The following BSN variants were observed in gnomAD, a reference collection of about 807,000 sequenced individuals.
BSN encodes bassoon presynaptic cytomatrix protein.
BSN carries 57 observed loss-of-function variants against 264.8 expected under a neutral mutation model. The ratio of observed to expected loss-of-function variants is 0.22; its 90% CI spans 0.17 to 0.27. The LOEUF is 0.27. BSN is among the 10% of genes least tolerant of loss of function. BSN has a pLI of 1.00. For missense variants in BSN, 4,615 were observed against 5,232.5 expected, an observed-to-expected ratio of 0.88 and a Z score of 3.64; for synonymous variants, 2,059 against 2,137.3, an observed-to-expected ratio of 0.96 and a Z score of 1.01.
At chr3:49,607,869 A>T (rs746825416) in intron 1 of BSN, among the ~76,000 whole-genome samples, 10 of 152,364 alleles carry the variant, frequency 6.6e-5, no homozygotes, top group Middle Eastern at 3.4e-3. Context: ...GGGTGGGTCC[A>T]GCCACCTGAA....
chr3:49,586,358 A>ATCTG (rs986388297), intron 1 of BSN, among the ~76,000 whole-genome samples: 2 of 151,250 alleles, frequency 1.3e-5, no homozygotes, highest in African/African-American at 4.9e-5. Flanking sequence ...CTATCTATCT[A>ATCTG]TCTATCATTA....
chr3:49,662,902 G>C lies in BSN; in HGVS notation c.10744G>C (p.Asp3582His). The stretch of plus-strand genomic sequence containing the variant: ...GTATCACCTGGGCCAGGAGGAGACG[G>C]ACTGGTTTGATAAGCCCCGGGATGC... Reference protein sequence around the residue: ...EAYHLGQEETDWFDKPRDARS... With the variant: ...EAYHLGQEETHWFDKPRDARS... Residue 3582 changes from aspartate to histidine, a missense_variant, in exon 7 of 12, where the codon GAC becomes CAC. This residue lies in a region of BSN where 3,415 missense variants were observed against 3,866.4 expected (regional missense o/e 0.88). Coordinates refer to ENST00000296452, the MANE Select transcript of BSN (RefSeq NM_003458.4). 1 of 1,595,846 alleles carries C rather than the reference G, an allele frequency of 6.3e-7. No individual in the cohort carries two copies. Among genetic ancestry groups the C allele is most frequent in the Non-Finnish European group, 8.5e-7 (1 of 1,170,214 alleles).
intron 1 of BSN, among the ~76,000 whole-genome samples, chr3:49,590,325 A>C (rs899022629): frequency 6.6e-6 from 1 of 152,000 alleles, no homozygotes; most frequent in African/African-American, 2.4e-5. Context: ...GATTCTTTAA[A>C]AAAAACAAAT....
Position 49,651,394 on chromosome 3 carries a change from G to T in BSN, c.1987-149G>T. ...CCATGGAACCTTCAGGTTATTCAAG[G>T]CCAGAAGGAGATAGGGTGGGTGGCG... is the stretch of plus-strand genomic sequence containing the variant. On this transcript the variant is annotated intron_variant, in intron 4 of 11. Coordinates refer to ENST00000296452, the MANE Select transcript of BSN (RefSeq NM_003458.4). This position sits in a 1 kb window ranked among gnomAD's most constrained non-coding sequence, Gnocchi z 5.4. 3 of 873,710 alleles carry T rather than the reference G, an allele frequency of 3.4e-6. No individual in the cohort carries two copies. Among genetic ancestry groups the T allele is most frequent in the Non-Finnish European group, 5.1e-6 (3 of 582,752 alleles). The allele number at this position is 873,710 out of a possible 1,614,324, so 54.1% of individuals were successfully genotyped here.
In BSN at chr3:49,656,825, G is replaced by A; in HGVS notation, c.7269G>A (p.Lys2423=). 6.3e-7 allele frequency: 1 copy of A among 1,599,050 alleles called. No individual in the cohort carries two copies. Among genetic ancestry groups the A allele is most frequent in the Non-Finnish European group, 8.5e-7 (1 of 1,173,554 alleles). The change falls in exon 5 of 12, where the codon AAG becomes AAA. Residue 2423 remains lysine (K), a synonymous_variant. Transcript: ENST00000296452. ...QRELQELQTI[K]HHVLQQQQEE... The stretch of plus-strand genomic sequence containing the variant: ...AGTTGCAGGAGCTGCAGACCATCAA[G>A]CACCATGTGCTGCAGCAGCAGCAAG...
At position 49,583,843 on chromosome 3, in the gene BSN, C is replaced by T. The variant is rs560814055; in HGVS notation, c.224+29017C>T. ...AATTACCTAAGGATGTGTGGTTGTT[C>T]ATAGTATTCTCTTGCAATCCGATTT... On this transcript the variant is annotated intron_variant, in intron 1 of 11. Transcript: ENST00000296452. Among the ~76,000 whole-genome samples, 6 of 152,138 alleles carry T rather than the reference C, an allele frequency of 3.9e-5. No homozygotes were observed. The South Asian group carries it at 1.2e-3, about 32-fold the overall frequency.
Position 49,625,425 on chromosome 3 carries a change from A to C in BSN, c.633+42A>C. The C allele has an allele frequency of 7.1e-7, 1 of 1,416,992 alleles. No individual in the cohort carries two copies. Among genetic ancestry groups the C allele is most frequent in the African/African-American group, 1.5e-5 (1 of 68,170 alleles). The allele number at this position is 1,416,992 out of a possible 1,614,324, so 87.8% of individuals were successfully genotyped here. A position where few individuals can be genotyped will look rare whatever the true frequency, so the allele number is the denominator to read the frequency against. ...CGGCTCCCCACTCACCTGCTACCTCATTACCATACCTCCCCTGGTTCCCTT... is the reference window on the plus strand; with the variant it reads ...CGGCTCCCCACTCACCTGCTACCTCCTTACCATACCTCCCCTGGTTCCCTT... On this transcript the variant is annotated intron_variant, in intron 2 of 11. Transcript: ENST00000296452. The surrounding 1 kb of genome is among the most constrained non-coding windows in gnomAD (Gnocchi z 4.4).
rs201524663 is a variant in BSN at position 49,625,168 on chromosome 3, C to T, written c.418C>T (p.Arg140Trp). ...QVDSRTQRSG[R>W]SPSVSPDRGS... ...AGACAGCAGGACACAGAGATCAGGG[C>T]GGTCCCCCTCAGTGTCACCGGACAG... The change falls in exon 2 of 12, where the codon CGG (arginine) becomes TGG (tryptophan). Residue 140 changes from arginine to tryptophan, a missense_variant. Physicochemically the swap from Arg to Trp is moderately radical, Grantham distance 101 (BLOSUM62 -3). Around this residue, in one of 3 missense-constraint regions of BSN, gnomAD observed 1,197 missense variants for 1,348.0 expected, o/e 0.89. Transcript: ENST00000296452. The surrounding 1 kb of genome is among the most constrained non-coding windows in gnomAD (Gnocchi z 4.4). 20 of 1,572,938 alleles carry T rather than the reference C, an allele frequency of 1.3e-5. No individual in the cohort carries two copies. The highest frequency in any genetic ancestry group is 4.6e-5 in the East Asian group (2 of 43,180).
In BSN at chr3:49,663,598, G is replaced by A. The variant is rs1311779387; in HGVS notation, c.11440G>A (p.Ala3814Thr). ...AACCACCCGGGGCTCAGCCCCTGCT[G>A]CCAGCCAGCCTGCAGGGAAGCCTCA... ...QPTTRGSAPA[A>T]SQPAGKPQPG... is the part of the protein sequence containing the mutation. Residue 3814 changes from alanine (A) to threonine (T), a missense_variant, in exon 7 of 12, where the codon GCC (alanine) becomes ACC (threonine). By Grantham distance (58) the Ala-to-Thr change is moderately conservative. Transcript: ENST00000296452. 1.2e-6 allele frequency: 2 copies of A among 1,607,156 alleles called. No homozygotes were observed. Among genetic ancestry groups the A allele is most frequent in the South Asian group, 1.1e-5 (1 of 90,504 alleles).
chr3:49,565,762 C>A (rs1371161800), intron 1 of BSN, among the ~76,000 whole-genome samples: 1 of 152,192 alleles, frequency 6.6e-6, no homozygotes, highest in East Asian at 1.9e-4. Context: ...CTTACTATAA[C>A]CCAATACCCA....
intron 1 of BSN, among the ~76,000 whole-genome samples, chr3:49,580,962 C>T (rs1473143810): frequency 6.6e-6 from 1 of 150,556 alleles, no homozygotes. Context: ...TGACCCCTTT[C>T]TTCAGCGCCT....
At position 49,585,998 on chromosome 3, in the gene BSN, T is replaced by C. The variant is rs1036923015; in HGVS notation, c.224+31172T>C. On this transcript the variant is annotated intron_variant, in intron 1 of 11. Coordinates refer to ENST00000296452, the MANE Select transcript of BSN (RefSeq NM_003458.4). This position sits in a 1 kb window ranked among gnomAD's most constrained non-coding sequence, Gnocchi z 4.7. The stretch of plus-strand genomic sequence containing the variant: ...TTGAGCTCCTTATATATTTTGGTTA[T>C]TAATCACTTGTCAGATGGTTAGTTT... Among the ~76,000 whole-genome samples the C allele has an allele frequency of 3.3e-5, 5 of 152,224 alleles. No homozygotes were observed. Among genetic ancestry groups the C allele is most frequent in the Non-Finnish European group, 5.9e-5 (4 of 68,040 alleles).
In BSN at chr3:49,593,787, TG is replaced by T. The variant is rs201748946; in HGVS notation, c.225-31187del. ...ATATTCTAGATACTAGTTTTTTTTT[TG>T]TTTTGTTTTGTTTTTTGTTTTTTTT... is the stretch of plus-strand genomic sequence containing the variant. On this transcript the variant is annotated intron_variant, in intron 1 of 11. Coordinates refer to ENST00000296452, the MANE Select transcript of BSN (RefSeq NM_003458.4). Among the ~76,000 whole-genome samples, 435 of 148,344 alleles carry T rather than the reference TG, an allele frequency of 2.9e-3. 3 individuals carry two copies. The highest frequency in any genetic ancestry group is 3.8e-3 in the Non-Finnish European group (256 of 67,100).
At chr3:49,606,651 C>T (rs2108041629) in intron 1 of BSN, among the ~76,000 whole-genome samples, 1 of 151,980 alleles carries the variant, frequency 6.6e-6, no homozygotes, top group East Asian at 1.9e-4. Context: ...GGTGCTCTGG[C>T]CACCATTGGA....
chr3:49,650,717 G>T lies in BSN; in HGVS notation c.1624G>T (p.Gly542Trp). The T allele has an allele frequency of 6.2e-7, 1 of 1,613,248 alleles. No homozygotes were observed. The highest frequency in any genetic ancestry group is 8.5e-7 in the Non-Finnish European group (1 of 1,179,868). Residue 542 changes from glycine to tryptophan, a missense_variant, in exon 4 of 12, where the codon GGG becomes TGG. By Grantham distance (184) the Gly-to-Trp change is radical. Coordinates refer to ENST00000296452, the MANE Select transcript of BSN (RefSeq NM_003458.4). ...PPPTSQQPPV[G>W]APHRASGTSP... is the part of the protein sequence containing the mutation. ...GCCCACCTCACAGCAGCCCCCTGTA[G>T]GGGCCCCTCACCGTGCATCTGGAAC...
At chr3:49,622,861 A>G (rs1219827144) in intron 1 of BSN, among the ~76,000 whole-genome samples, 1 of 152,218 alleles carries the variant, frequency 6.6e-6, no homozygotes, top group African/African-American at 2.4e-5. Context: ...GGTGGCAAAG[A>G]TGGCCCTGAG....
At chr3:49,662,721 G>A (rs1406768472) in intron 6 of BSN, among the ~76,000 whole-genome samples, 155 bp from the exon 7 acceptor site, 4 of 139,730 alleles carry the variant, frequency 2.9e-5, no homozygotes, top group African/African-American at 1.0e-4. Context: ...CTCCATCTGT[G>A]CCCTGGTCCG....
chr3:49,617,318 T>A (rs1017218048), intron 1 of BSN, among the ~76,000 whole-genome samples: 13 of 135,558 alleles, frequency 9.6e-5, no homozygotes, highest in African/African-American at 3.3e-4. Flanking sequence ...TATATATATA[T>A]AATTTTATAA....
intron 3 of BSN, among the ~76,000 whole-genome samples, chr3:49,648,022 A>G (rs2052513262): frequency 6.6e-6 from 1 of 152,224 alleles, no homozygotes; most frequent in Non-Finnish European, 1.5e-5. Context: ...GCAACCTGCA[A>G]CCTGGCTGTC....
Sources: gnomAD v4.1 joint callset for allele counts (sites outside exome capture counted in the v4.1 genomes callset) on GRCh38, gnomAD v4.1.1 for gene constraint, gnomAD v4.1.1 regional missense constraint, Gnocchi (gnomAD v3.1) non-coding constraint, MANE v1.5 for transcripts, NCBI Gene and HGNC (gene_info 2026-07-23, HGNC 2026-07-21) for gene names.